AGMO: variants seen among roughly 807,000 people sequenced by gnomAD.
AGMO encodes the protein alkylglycerol monooxygenase.
AGMO carries 75 observed loss-of-function variants against 60.2 expected under a neutral mutation model. That is an observed-to-expected ratio of 1.25 (90% CI 1.03 to 1.51). The LOEUF is 1.51. AGMO is among the 40% of genes most tolerant of loss of function. The pLI, the probability that AGMO is intolerant of heterozygous loss-of-function variation, is 0.00. For missense variants in AGMO, 763 were observed against 525.5 expected, an observed-to-expected ratio of 1.45 and a Z score of -4.42; for synonymous variants, 261 against 177.1, an observed-to-expected ratio of 1.47 and a Z score of -3.76.
chr7:15,457,615 C>T (rs951701027), intron 3 of AGMO, among the ~76,000 whole-genome samples: 7 of 152,130 alleles, frequency 4.6e-5, no homozygotes, highest in African/African-American at 1.7e-4. Context: ...ATACTTCTTG[C>T]CTCCAATTTG....
intron 3 of AGMO, among the ~76,000 whole-genome samples, chr7:15,449,116 G>T (rs1248410700): frequency 2.0e-5 from 3 of 152,056 alleles, no homozygotes; most frequent in Non-Finnish European, 2.9e-5. Flanking sequence ...GATGGAAAAA[G>T]AAGAGCAACA....
chr7:15,321,158 A>G (rs1417069591), intron 12 of AGMO, among the ~76,000 whole-genome samples: 2 of 152,162 alleles, frequency 1.3e-5, no homozygotes, highest in African/African-American at 4.8e-5. Context: ...CCATAAACCT[A>G]ACTGGAATTA....
intron 3 of AGMO, among the ~76,000 whole-genome samples, chr7:15,503,803 A>G (rs980397938): frequency 1.3e-5 from 2 of 152,054 alleles, no homozygotes; most frequent in Non-Finnish European, 2.9e-5. Flanking sequence ...ATAAGCATTT[A>G]CTCATAGTCT....
intron 12 of AGMO, among the ~76,000 whole-genome samples, chr7:15,232,933 G>C (rs1480242139): frequency 6.6e-6 from 1 of 151,934 alleles, no homozygotes; most frequent in African/African-American, 2.4e-5. Flanking sequence ...GGGAGAAAAA[G>C]AATGAAGAAG....
intron 12 of AGMO, among the ~76,000 whole-genome samples, chr7:15,291,169 G>A (rs1423215001): frequency 2.0e-5 from 3 of 152,046 alleles, no homozygotes; most frequent in Non-Finnish European, 4.4e-5. Flanking sequence ...CTTATGGCAT[G>A]TAAACTTTTA....
intron 3 of AGMO, among the ~76,000 whole-genome samples, chr7:15,486,297 G>C (rs371908345): frequency 3.9e-5 from 6 of 152,134 alleles, no homozygotes; most frequent in Non-Finnish European, 7.4e-5. Flanking sequence ...TTAGGAGGCA[G>C]TATTGATTCT....
intron 3 of AGMO, among the ~76,000 whole-genome samples, chr7:15,434,415 A>C (rs933841174): frequency 1.3e-5 from 2 of 152,080 alleles, no homozygotes; most frequent in African/African-American, 2.4e-5. Flanking sequence ...ATGGGATGTC[A>C]CTTCTGATAT....
the AGMO span, among the ~76,000 whole-genome samples, chr7:15,194,107 C>A: frequency 6.6e-6 from 1 of 152,170 alleles, no homozygotes; most frequent in East Asian, 1.9e-4. Flanking sequence ...CTCTACAAAA[C>A]AAATATAATT....
chr7:15,520,254 C>T (rs1347955392), intron 3 of AGMO, among the ~76,000 whole-genome samples: 2 of 152,066 alleles, frequency 1.3e-5, no homozygotes, highest in Non-Finnish European at 2.9e-5. Context: ...TAGTGGGAGA[C>T]TTTAACACCC....
At chr7:15,208,795 C>T (rs1354395174) in intron 12 of AGMO, among the ~76,000 whole-genome samples, 1 of 152,184 alleles carries the variant, frequency 6.6e-6, no homozygotes, top group Non-Finnish European at 1.5e-5. Flanking sequence ...ATACGCCTAA[C>T]ATTGGCACAA....
At chr7:15,417,084 T>C (rs1562496604) in intron 5 of AGMO, among the ~76,000 whole-genome samples, 5 of 152,316 alleles carry the variant, frequency 3.3e-5, no homozygotes, top group Non-Finnish European at 5.9e-5. Flanking sequence ...TCACGGTTAA[T>C]AATACAATTT....
At chr7:15,405,472 G>A (rs1395639501) in intron 5 of AGMO, among the ~76,000 whole-genome samples, 4 of 151,754 alleles carry the variant, frequency 2.6e-5, no homozygotes, top group African/African-American at 4.8e-5. Context: ...TTTATTTTAC[G>A]TGGTTCTTGG....
intron 5 of AGMO, among the ~76,000 whole-genome samples, chr7:15,400,950 T>A (rs1784537389): frequency 2.0e-5 from 3 of 152,116 alleles, no homozygotes; most frequent in Admixed American, 6.6e-5. Context: ...ATCCTGCACT[T>A]ACACATTAAG....
At chr7:15,236,168 A>G (rs1298011997) in intron 12 of AGMO, among the ~76,000 whole-genome samples, 6 of 152,192 alleles carry the variant, frequency 3.9e-5, no homozygotes, top group African/African-American at 1.4e-4. Context: ...AGACATTGCA[A>G]TGATTCTGTA....
At chr7:15,486,053 G>T (rs369692909) in intron 3 of AGMO, among the ~76,000 whole-genome samples, 1 of 152,134 alleles carries the variant, frequency 6.6e-6, no homozygotes, top group African/African-American at 2.4e-5. Context: ...TAGTGTGATT[G>T]CAAAGCACTG....
In AGMO at chr7:15,341,408, T is replaced by A. The variant is rs183127549; in HGVS notation, c.1263+24106A>T. On this transcript the variant is annotated intron_variant, in intron 12 of 12. Coordinates refer to ENST00000342526, the MANE Select transcript of AGMO (RefSeq NM_001004320.2). Reference sequence around the variant, plus strand: ...TTGCTAAAGCATTACAAGAGTCACCTTTGCTCCAGTTCCCAAGAAGTTCCT... The same window carrying A: ...TTGCTAAAGCATTACAAGAGTCACCATTGCTCCAGTTCCCAAGAAGTTCCT... 1.1e-4 allele frequency among the ~76,000 whole-genome samples: 17 copies of A among 152,276 alleles called. No homozygotes were observed. In the East Asian group the frequency reaches 3.1e-3, roughly 28 times the overall value.
intron 3 of AGMO, among the ~76,000 whole-genome samples, chr7:15,434,984 T>C (rs1050252137): frequency 1.3e-5 from 2 of 152,040 alleles, no homozygotes; most frequent in East Asian, 3.9e-4. Flanking sequence ...GAGTCTGTTG[T>C]CTTTTTTCAT....
At position 15,561,778 on chromosome 7, in the gene AGMO, A is replaced by G. The variant is rs1363280287; in HGVS notation, c.68T>C (p.Met23Thr). 1.2e-6 allele frequency: 2 copies of G among 1,612,468 alleles called. No homozygotes were observed. Among genetic ancestry groups the G allele is most frequent in the Non-Finnish European group, 1.7e-6 (2 of 1,178,958 alleles). The change falls in exon 1 of 13, where the codon ATG becomes ACG. Residue 23 changes from methionine to threonine, a missense_variant. Coordinates refer to ENST00000342526, the MANE Select transcript of AGMO (RefSeq NM_001004320.2). Reference protein sequence around the residue: ...SQGFRMLFYTMKPSETSFQTL... With the variant: ...SQGFRMLFYTTKPSETSFQTL... Reference sequence around the variant, plus strand: ...TTGGAATGAAGTTTCACTGGGTTTCATCGTGTAAAACAACATGCGAAATCC... The same window carrying G: ...TTGGAATGAAGTTTCACTGGGTTTCGTCGTGTAAAACAACATGCGAAATCC...
chr7:15,547,418 A>C (rs902678000), intron 2 of AGMO, among the ~76,000 whole-genome samples: 3 of 152,022 alleles, frequency 2.0e-5, no homozygotes, highest in African/African-American at 7.3e-5. Context: ...GGTTCATCTC[A>C]CTAGGGAGTG....
Sources: gnomAD v4.1 joint callset for allele counts (sites outside exome capture counted in the v4.1 genomes callset) on GRCh38, gnomAD v4.1.1 for gene constraint, MANE v1.5 for transcripts, NCBI Gene and HGNC (gene_info 2026-07-23, HGNC 2026-07-21) for gene names.